CD34: variants seen among roughly 807,000 people sequenced by gnomAD.
The protein encoded by CD34 is CD34 molecule.
Under a neutral mutation model 40.1 loss-of-function variants are expected in CD34, and 34 were observed. The ratio of observed to expected loss-of-function variants is 0.85; its 90% CI spans 0.65 to 1.13. CD34 has a LOEUF of 1.13. CD34 is among the 50% of genes most tolerant of loss of function. The pLI is 0.00. For missense variants in CD34, 426 were observed against 466.9 expected (o/e 0.91, Z 0.81); for synonymous variants, 209 against 190.0 (o/e 1.10, Z -0.82).
rs113207247 is a variant in CD34, at chr1:207,882,488, T to C, written c.*5250A>G. 155 of 152,308 alleles carry C rather than the reference T, an allele frequency of 1.0e-3. 1 individual carries two copies. Among genetic ancestry groups the C allele is most frequent in the African/African-American group, 3.7e-3 (152 of 41,564 alleles). 9.4% of individuals were successfully genotyped at this position (152,308 alleles called of 1,614,324 possible). A position where few individuals can be genotyped will look rare whatever the true frequency, so the allele number is the denominator to read the frequency against. On this transcript the variant is annotated 3_prime_UTR_variant, in exon 8 of 8. Transcript: ENST00000310833. ...AAGAACCAGGAAAATCTCAATTTGA[T>C]TGAGAAAAAACCATTAACAGATGCC...
chr1:207,886,084 A>G lies in CD34; in HGVS notation c.*1654T>C, dbSNP rs536009524. ...TTGGCTGCCAGGTCTCTAGAACAAC[A>G]GTCCCCACATAGTCCTTCACTGTGT... On this transcript the variant is annotated 3_prime_UTR_variant, in exon 8 of 8. Transcript: ENST00000310833. 6.6e-6 allele frequency: 1 copy of G among 152,022 alleles called. No homozygotes were observed. Among genetic ancestry groups the G allele is most frequent in the Non-Finnish European group, 1.5e-5 (1 of 68,016 alleles). 9.4% of individuals were successfully genotyped at this position (152,022 alleles called of 1,614,324 possible).
chr1:207,910,754 C>A (rs528756661), intron 1 of CD34, among the ~76,000 whole-genome samples: 3 of 152,254 alleles, frequency 2.0e-5, no homozygotes, highest in Non-Finnish European at 4.4e-5. Context: ...TGGAACCAGT[C>A]GTGCTGACCG....
chr1:207,890,892 C>T (rs1165270066), intron 4 of CD34, among the ~76,000 whole-genome samples: 3 of 152,172 alleles, frequency 2.0e-5, no homozygotes, highest in Non-Finnish European at 4.4e-5. Context: ...GACGTTCTAA[C>T]TCTGGAAAAA....
In CD34 at chr1:207,888,473, G is replaced by A. The variant is rs1030255353; in HGVS notation, c.972+209C>T. 2.6e-5 allele frequency among the ~76,000 whole-genome samples: 4 copies of A among 152,194 alleles called. 1 individual carries two copies. Among genetic ancestry groups the A allele is most frequent in the Non-Finnish European group, 5.9e-5 (4 of 68,042 alleles). On this transcript the variant is annotated intron_variant, in intron 7 of 7. Transcript: ENST00000310833. ...TCATCTGCTACCACACCGAGTAGGT[G>A]GGCTGGCACCATTACTGTCCCCTCC... is the stretch of plus-strand genomic sequence containing the variant.
chr1:207,911,077 G>A lies in CD34; in HGVS notation c.4C>T (p.Leu2=). 1 of 1,579,776 alleles carries A rather than the reference G, an allele frequency of 6.3e-7. No homozygotes were observed. Among genetic ancestry groups the A allele is most frequent in the East Asian group, 2.3e-5 (1 of 43,654 alleles). ...CCTGCGCGCGCGCCCCTGCGGACCA[G>A]CATCCTTCCCGCGCGGCTCCTAGAG... is the stretch of plus-strand genomic sequence containing the variant. M[L]VRRGARAGPR... is the part of the protein sequence containing the mutation. Residue 2 remains leucine (L), a synonymous_variant, in exon 1 of 8, where the codon CTG becomes TTG. Transcript: ENST00000310833.
intron 5 of CD34, 90 bp from the exon 6 acceptor site, chr1:207,889,303 G>A: frequency 6.3e-7 from 1 of 1,599,756 alleles, no homozygotes; most frequent in Non-Finnish European, 8.5e-7. Flanking sequence ...ATGCTCTGAT[G>A]GCCAGGGTGG....
chr1:207,896,364 C>A (rs987402667), intron 4 of CD34, among the ~76,000 whole-genome samples: 1 of 152,136 alleles, frequency 6.6e-6, no homozygotes, highest in Non-Finnish European at 1.5e-5. Context: ...CTTTCCAATG[C>A]AGTAAGACAT....
chr1:207,909,761 C>T (rs1662462536), intron 1 of CD34, among the ~76,000 whole-genome samples: 1 of 152,160 alleles, frequency 6.6e-6, no homozygotes, highest in Admixed American at 6.5e-5. Flanking sequence ...ATTTTGAAAC[C>T]TCATTGATAG....
At chr1:207,891,737 T>C (rs1197390590) in intron 4 of CD34, among the ~76,000 whole-genome samples, 1 of 150,834 alleles carries the variant, frequency 6.6e-6, no homozygotes, top group Non-Finnish European at 1.5e-5. Flanking sequence ...ATATATTAAC[T>C]CATTTAGGCC....
In CD34 at chr1:207,884,348, T is replaced by C. The variant is rs1345680663; in HGVS notation, c.*3390A>G. 2 of 152,246 alleles carry C rather than the reference T, an allele frequency of 1.3e-5. No individual in the cohort carries two copies. The highest frequency in any genetic ancestry group is 3.2e-3 in the Middle Eastern group (1 of 316). The allele number at this position is 152,246 out of a possible 1,614,324, so 9.4% of individuals were successfully genotyped here. ...CATGTATATACTTACTGAGATGACATTGTTTACTGTCCTCTTCTGCTAGAA... is the reference window on the plus strand; with the variant it reads ...CATGTATATACTTACTGAGATGACACTGTTTACTGTCCTCTTCTGCTAGAA... On this transcript the variant is annotated 3_prime_UTR_variant, in exon 8 of 8. Transcript: ENST00000310833.
chr1:207,900,515 C>T (rs547637311), intron 1 of CD34, among the ~76,000 whole-genome samples: 1 of 152,214 alleles, frequency 6.6e-6, no homozygotes, highest in Admixed American at 6.5e-5. Flanking sequence ...TTTGGTCACT[C>T]TCCATCCAGT....
At chr1:207,895,736 C>T (rs559424007) in intron 4 of CD34, among the ~76,000 whole-genome samples, 1 of 152,290 alleles carries the variant, frequency 6.6e-6, no homozygotes, top group Admixed American at 6.5e-5. Context: ...AAAGAATTAG[C>T]ATTCTGGCAC....
chr1:207,897,542 A>G lies in CD34; in HGVS notation c.548T>C (p.Val183Ala). ...AEIKCSGIRE[V>A]KLTQGICLEQ... ...CAGGCAGATGCCCTGAGTCAATTTC[A>G]CTTCTCTGATGCCTGAACATTTGAT... Residue 183 changes from valine to alanine, a missense_variant, in exon 4 of 8, where the codon GTG becomes GCG. Transcript: ENST00000310833. 1 of 1,558,128 alleles carries G rather than the reference A, an allele frequency of 6.4e-7. No homozygotes were observed. The highest frequency in any genetic ancestry group is 8.7e-7 in the Non-Finnish European group (1 of 1,149,394).
In CD34 at chr1:207,886,937, G is replaced by A. The variant is rs1008957612; in HGVS notation, c.*801C>T. 1.3e-5 allele frequency: 2 copies of A among 152,300 alleles called. No individual in the cohort carries two copies. Among genetic ancestry groups the A allele is most frequent in the Non-Finnish European group, 2.9e-5 (2 of 68,124 alleles). 9.4% of individuals were successfully genotyped at this position (152,300 alleles called of 1,614,324 possible). A position where few individuals can be genotyped will look rare whatever the true frequency, so the allele number is the denominator to read the frequency against. Reference sequence around the variant, plus strand: ...CAGCCTCAGAGGAAGAGGATTTTTCGGAAGAGTACAGGTGAGAGGCTCAGC... The same window carrying A: ...CAGCCTCAGAGGAAGAGGATTTTTCAGAAGAGTACAGGTGAGAGGCTCAGC... On this transcript the variant is annotated 3_prime_UTR_variant, in exon 8 of 8. Coordinates refer to ENST00000310833, the MANE Select transcript of CD34 (RefSeq NM_001025109.2).
intron 4 of CD34, among the ~76,000 whole-genome samples, chr1:207,890,648 T>C (rs548303098): frequency 5.3e-5 from 8 of 152,262 alleles, no homozygotes; most frequent in East Asian, 1.9e-4. Context: ...AAGGTCAAGA[T>C]TGGCCTCAGG....
chr1:207,901,687 G>A (rs1359887193), intron 1 of CD34, among the ~76,000 whole-genome samples: 2 of 152,238 alleles, frequency 1.3e-5, no homozygotes, highest in Non-Finnish European at 2.9e-5. Flanking sequence ...GTCAAGGTAA[G>A]AGGATAGAAG....
intron 7 of CD34, 39 bp downstream of exon 7, chr1:207,888,643 A>G (rs1553261345): frequency 1.2e-6 from 2 of 1,605,668 alleles, no homozygotes; most frequent in Non-Finnish European, 1.7e-6. Flanking sequence ...GAAACCCACT[A>G]TCTTCCTCAT....
chr1:207,907,979 G>A (rs1432022600), intron 1 of CD34, among the ~76,000 whole-genome samples: 3 of 152,160 alleles, frequency 2.0e-5, no homozygotes, highest in Non-Finnish European at 2.9e-5. Context: ...ATGAGAGAGG[G>A]AGGCCCAAGT....
Position 207,892,057 on chromosome 1 carries a change from C to T in CD34, c.598-2436G>A, listed in dbSNP as rs142993978. On this transcript the variant is annotated intron_variant, in intron 4 of 7. Coordinates refer to ENST00000310833, the MANE Select transcript of CD34 (RefSeq NM_001025109.2). ...GGACAGCATGCATTATTCCACAACC[C>T]TCATTTCAAAGAGAATGAAGAACAC... Among the ~76,000 whole-genome samples, 166 of 152,278 alleles carry T rather than the reference C, an allele frequency of 1.1e-3. 1 individual carries two copies. The highest frequency in any genetic ancestry group is 3.7e-3 in the African/African-American group (155 of 41,540).
Sources: allele counts gnomAD v4.1 joint callset (sites outside exome capture counted in the v4.1 genomes callset), GRCh38; gene constraint gnomAD v4.1.1; transcripts MANE v1.5; gene names NCBI Gene and HGNC (gene_info 2026-07-23, HGNC 2026-07-21).